TNRC6A: variants seen among roughly 807,000 people sequenced by gnomAD.
TNRC6A encodes the protein trinucleotide repeat containing adaptor 6A.
A neutral mutation model predicts 221.2 loss-of-function variants in TNRC6A; 44 were observed. The ratio of observed to expected loss-of-function variants is 0.20; its 90% confidence interval spans 0.16 to 0.26. The LOEUF (loss-of-function observed/expected upper bound fraction) is 0.26. Ranked by LOEUF, TNRC6A falls within the 10% of genes least tolerant of loss-of-function variation. TNRC6A has a pLI of 1.00. For synonymous variants in TNRC6A, 847 were observed against 838.5 expected (o/e 1.01, Z -0.18); for missense variants, 2,199 against 2,404.4 (o/e 0.91, Z 1.79).
intron 2 of TNRC6A, among the ~76,000 whole-genome samples, chr16:24,685,029 T>C (rs1386630931): frequency 4.6e-5 from 7 of 152,142 alleles, no homozygotes; most frequent in Non-Finnish European, 5.9e-5. Context: ...TCAGCCCCTC[T>C]GGCCTTCTTG....
chr16:24,670,594 A>G (rs188108209), intron 2 of TNRC6A, among the ~76,000 whole-genome samples: 1 of 152,262 alleles, frequency 6.6e-6, no homozygotes, highest in Admixed American at 6.5e-5. Context: ...AGACTATCTG[A>G]GAACTCTCCT....
chr16:24,637,059 G>T (rs1596568578), intron 1 of TNRC6A, among the ~76,000 whole-genome samples: 1 of 152,004 alleles, frequency 6.6e-6, no homozygotes, highest in African/African-American at 2.4e-5. Context: ...TTGAGACAGG[G>T]TCTCACTCCC....
At chr16:24,658,756 A>G (rs2054969128) in intron 2 of TNRC6A, among the ~76,000 whole-genome samples, 2 of 151,762 alleles carry the variant, frequency 1.3e-5, no homozygotes, top group East Asian at 1.9e-4. Flanking sequence ...AACTCACCCC[A>G]AAGAGTTTGC....
chr16:24,675,486 G>A (rs1232799314), intron 2 of TNRC6A, among the ~76,000 whole-genome samples: 4 of 151,592 alleles, frequency 2.6e-5, no homozygotes, highest in Admixed American at 2.6e-4. Context: ...TTCAAGACCA[G>A]CCTGACCAAC....
intron 2 of TNRC6A, among the ~76,000 whole-genome samples, chr16:24,723,204 A>T (rs2151099246): frequency 6.6e-6 from 1 of 152,186 alleles, no homozygotes; most frequent in South Asian, 2.1e-4. Flanking sequence ...CCTCCACAGC[A>T]ATGGTTCTCA....
At chr16:24,628,399 G>A (rs1450852435) in intron 1 of TNRC6A, among the ~76,000 whole-genome samples, 2 of 151,818 alleles carry the variant, frequency 1.3e-5, no homozygotes, top group African/African-American at 4.8e-5. Flanking sequence ...CAGCCTGGGT[G>A]AAGGAGTGAG....
chr16:24,679,186 C>T (rs533508163), intron 2 of TNRC6A, among the ~76,000 whole-genome samples: 14 of 151,908 alleles, frequency 9.2e-5, no homozygotes, highest in Admixed American at 7.2e-4. Context: ...TTAATAGAGA[C>T]GGGGTTTCTC....
intron 8 of TNRC6A, among the ~76,000 whole-genome samples, chr16:24,795,026 C>T (rs1255703008): frequency 6.6e-6 from 1 of 152,102 alleles, no homozygotes; most frequent in Non-Finnish European, 1.5e-5. Context: ...GGCAAATCTC[C>T]ATGTTGACTC....
chr16:24,815,717 T>A (rs2058642883), intron 19 of TNRC6A: 1 of 193,316 alleles, frequency 5.2e-6, no homozygotes, highest in Non-Finnish European at 1.1e-5. Context: ...TAGCCAGGCG[T>A]GGTGGCGGGC....
intron 1 of TNRC6A, among the ~76,000 whole-genome samples, chr16:24,633,884 G>C (rs1407708449): frequency 6.6e-6 from 1 of 151,734 alleles, no homozygotes; most frequent in Non-Finnish European, 1.5e-5. Context: ...CCGGTTCCAG[G>C]GATTCTCATG....
chr16:24,745,479 T>A (rs904396913), intron 2 of TNRC6A, among the ~76,000 whole-genome samples: 2 of 152,202 alleles, frequency 1.3e-5, no homozygotes, highest in African/African-American at 4.8e-5. Context: ...AGAATGTTTT[T>A]TGGCAGAAGA....
intron 4 of TNRC6A, among the ~76,000 whole-genome samples, chr16:24,773,574 A>G (rs1017751522): frequency 6.6e-6 from 1 of 152,116 alleles, no homozygotes; most frequent in African/African-American, 2.4e-5. Context: ...ATGTTAACCT[A>G]TGATTGTTTC....
chr16:24,675,698 CTCTCTATATATATATATATA>C (rs2055403574), intron 2 of TNRC6A, among the ~76,000 whole-genome samples: 6 of 66,600 alleles, frequency 9.0e-5, no homozygotes, highest in Admixed American at 3.1e-4. Flanking sequence ...CTCTCTCTCT[CTCTCTATATATATATATATA>C]TATATATATA....
intron 18 of TNRC6A, among the ~76,000 whole-genome samples, chr16:24,812,331 C>T (rs1015228285): frequency 2.0e-5 from 3 of 151,984 alleles, no homozygotes; most frequent in Non-Finnish European, 2.9e-5. Flanking sequence ...AGATTATAGG[C>T]GTTAGCCACC....
chr16:24,631,775 A>G (rs2141680147), intron 1 of TNRC6A, among the ~76,000 whole-genome samples: 1 of 151,802 alleles, frequency 6.6e-6, no homozygotes, highest in Non-Finnish European at 1.5e-5. Flanking sequence ...CCACCTCAAA[A>G]AAAAAAAACA....
intron 1 of TNRC6A, among the ~76,000 whole-genome samples, chr16:24,615,913 A>G (rs1900320393): frequency 7.5e-6 from 1 of 132,586 alleles, no homozygotes; most frequent in Non-Finnish European, 1.5e-5. Flanking sequence ...TAATTTAATT[A>G]GCCAGGTATG....
intron 5 of TNRC6A, 58 bp from the exon 6 acceptor site, chr16:24,789,173 AG>A: frequency 6.9e-7 from 1 of 1,456,682 alleles, no homozygotes; most frequent in Non-Finnish European, 9.2e-7. Context: ...CTTAGATTTT[AG>A]TATCATTTTG....
At chr16:24,772,348 G>GTTTCTT (rs953173642) in intron 4 of TNRC6A, among the ~76,000 whole-genome samples, 1 of 152,104 alleles carries the variant, frequency 6.6e-6, no homozygotes, top group Non-Finnish European at 1.5e-5. Context: ...AGAGATACGT[G>GTTTCTT]TTTCTTTTTC....
chr16:24,693,541 T>C (rs1050737972), intron 2 of TNRC6A, among the ~76,000 whole-genome samples: 1 of 151,850 alleles, frequency 6.6e-6, no homozygotes, highest in Admixed American at 6.6e-5. Flanking sequence ...TGAGCCGAGA[T>C]CGCGCCACTG....
Sources: gnomAD v4.1 joint callset for allele counts (sites outside exome capture counted in the v4.1 genomes callset) on GRCh38, gnomAD v4.1.1 for gene constraint, MANE v1.5 for transcripts, NCBI Gene and HGNC (gene_info 2026-07-23, HGNC 2026-07-21) for gene names.